Variants in CNPY1 observed in about 807,000 individuals in gnomAD.
CNPY1 encodes the protein canopy FGF signaling regulator 1, also known as protein canopy homolog 1.
CNPY1 carries 14 observed loss-of-function variants against 14.4 expected under a neutral mutation model. That is an observed-to-expected ratio of 0.97 (90% confidence interval 0.64 to 1.52). The LOEUF is 1.52. CNPY1 is among the 40% of genes most tolerant of loss of function. CNPY1 has a pLI of 0.00. For synonymous variants in CNPY1, 43 were observed against 46.5 expected, an observed-to-expected ratio of 0.92 and a Z score of 0.31; for missense variants, 129 against 131.5, an observed-to-expected ratio of 0.98 and a Z score of 0.09.
intron 2 of CNPY1, among the ~76,000 whole-genome samples, chr7:155,519,522 A>AAAATAAATAAAT (rs58372261): frequency 1.9e-4 from 27 of 141,102 alleles, no homozygotes; most frequent in African/African-American, 5.5e-4. Context: ...CCCTGTCTCA[A>AAAATAAATAAAT]AAATAAATAA....
intron 4 of CNPY1, among the ~76,000 whole-genome samples, chr7:155,504,687 C>T (rs934451367): frequency 4.2e-4 from 49 of 116,178 alleles, no homozygotes; most frequent in African/African-American, 1.6e-3. Context: ...TTCATACCCC[C>T]CAACACACAC....
chr7:155,507,163 G>C (rs967510923), intron 3 of CNPY1, 47 bp from the exon 4 acceptor site: 7 of 1,219,196 alleles, frequency 5.7e-6, no homozygotes, highest in Non-Finnish European at 8.4e-6. Context: ...CACACTGGCG[G>C]GGCACTTTGT....
intron 2 of CNPY1, among the ~76,000 whole-genome samples, chr7:155,519,512 C>T (rs971858115): frequency 6.7e-6 from 1 of 148,212 alleles, no homozygotes; most frequent in African/African-American, 2.5e-5. Flanking sequence ...TGGAGCAAGA[C>T]CCTGTCTCAA....
chr7:155,534,603 C>T (rs1238566421), intron 2 of CNPY1, among the ~76,000 whole-genome samples: 2 of 152,224 alleles, frequency 1.3e-5, no homozygotes, highest in East Asian at 1.9e-4. Flanking sequence ...CCACTCACAG[C>T]GTCGCGGGAT....
chr7:155,517,702 TCC>T (rs1796648047), intron 2 of CNPY1, among the ~76,000 whole-genome samples: 1 of 152,136 alleles, frequency 6.6e-6, no homozygotes, highest in Admixed American at 6.5e-5. Flanking sequence ...GGGCTCGGGG[TCC>T]GCCCAAACAC....
At chr7:155,505,946 C>T (rs541992197) in intron 4 of CNPY1, among the ~76,000 whole-genome samples, 20 of 152,224 alleles carry the variant, frequency 1.3e-4, no homozygotes, top group African/African-American at 4.8e-4. Flanking sequence ...ACCCAATTAT[C>T]TACTCAGAGT....
chr7:155,503,365 A>G (rs1412228585), intron 4 of CNPY1, among the ~76,000 whole-genome samples: 1 of 152,140 alleles, frequency 6.6e-6, no homozygotes, highest in Non-Finnish European at 1.5e-5. Flanking sequence ...TTTTGGCTTT[A>G]GGATTTAAAG....
At chr7:155,539,495 C>G (rs1472784126) in intron 2 of CNPY1, among the ~76,000 whole-genome samples, 1 of 152,160 alleles carries the variant, frequency 6.6e-6, no homozygotes, top group African/African-American at 2.4e-5. Flanking sequence ...GATAGAATAG[C>G]CAGCCCTCTC....
At position 155,524,214 on chromosome 7, in the gene CNPY1, C is replaced by T. The variant is rs1022345587; in HGVS notation, c.100-15117G>A. On this transcript the variant is annotated intron_variant, in intron 2 of 4. Transcript: ENST00000636446. Reference sequence around the variant, plus strand: ...AGTCCAATGGCCCCCGCTTCTGCCCCGAGGCTAGAGGTGGGGTGGTAAACT... The same window carrying T: ...AGTCCAATGGCCCCCGCTTCTGCCCTGAGGCTAGAGGTGGGGTGGTAAACT... Among the ~76,000 whole-genome samples the T allele has an allele frequency of 5.9e-5, 9 of 152,198 alleles. No homozygotes were observed. In the South Asian group the frequency reaches 8.3e-4, roughly 14 times the overall value.
intron 2 of CNPY1, among the ~76,000 whole-genome samples, chr7:155,521,535 T>G (rs1259736446): frequency 6.6e-6 from 1 of 152,196 alleles, no homozygotes; most frequent in African/African-American, 2.4e-5. Context: ...CCAGCACTTG[T>G]GGTCTGGGCC....
chr7:155,541,112 T>C (rs971277418), intron 2 of CNPY1, among the ~76,000 whole-genome samples: 3 of 152,014 alleles, frequency 2.0e-5, no homozygotes, highest in African/African-American at 7.2e-5. Flanking sequence ...GCAGGGGTGG[T>C]CTCCCACCTG....
intron 2 of CNPY1, among the ~76,000 whole-genome samples, chr7:155,523,189 A>G (rs183644350): frequency 6.6e-6 from 1 of 152,334 alleles, no homozygotes; most frequent in East Asian, 1.9e-4. Context: ...GGCTAGATGC[A>G]TTATGTATTT....
rs556628500 is a variant in CNPY1, at chr7:155,516,451, G to A, written c.100-7354C>T. ...CCCCAGTGTTTCAGGGCTGGCCAGC[G>A]AGGAGCGGGCTGGCACAGGATGACA... On this transcript the variant is annotated intron_variant, in intron 2 of 4. Transcript: ENST00000636446. Among the ~76,000 whole-genome samples, 23 of 152,318 alleles carry A rather than the reference G, an allele frequency of 1.5e-4. No homozygotes were observed. The South Asian group carries it at 4.1e-3, about 27-fold the overall frequency.
chr7:155,545,939 G>A lies in CNPY1; in HGVS notation c.-10C>T, dbSNP rs1585341105. 1 of 398,566 alleles carries A rather than the reference G, an allele frequency of 2.5e-6. No individual in the cohort carries two copies. Among genetic ancestry groups the A allele is most frequent in the East Asian group, 3.6e-5 (1 of 28,060 alleles). The allele number at this position is 398,566 out of a possible 1,614,324, so 24.7% of individuals were successfully genotyped here. Reference sequence around the variant, plus strand: ...GCTCTATCTCGTCCATCAGCGCCCTGCACGCTAAACAAGACACAAAACAGC... The same window carrying A: ...GCTCTATCTCGTCCATCAGCGCCCTACACGCTAAACAAGACACAAAACAGC... On this transcript the variant is annotated 5_prime_UTR_variant, in exon 2 of 5. Transcript: ENST00000636446.
At chr7:155,527,802 C>T (rs1796857072) in intron 2 of CNPY1, among the ~76,000 whole-genome samples, 2 of 152,170 alleles carry the variant, frequency 1.3e-5, no homozygotes. Context: ...AGTAATGAGA[C>T]ATGTGAGTAT....
chr7:155,517,744 C>T (rs1796649796), intron 2 of CNPY1, among the ~76,000 whole-genome samples: 1 of 152,230 alleles, frequency 6.6e-6, no homozygotes, highest in Non-Finnish European at 1.5e-5. Flanking sequence ...CACTTTTATC[C>T]ACTGGCCATG....
chr7:155,503,975 A>G (rs956735137), intron 4 of CNPY1, among the ~76,000 whole-genome samples: 1 of 152,196 alleles, frequency 6.6e-6, no homozygotes, highest in African/African-American at 2.4e-5. Context: ...GCACATTAAG[A>G]TTTTAATCAT....
At position 155,536,620 on chromosome 7, in the gene CNPY1, C is replaced by G. The variant is rs755411833; in HGVS notation, c.99+9211G>C. On this transcript the variant is annotated intron_variant, in intron 2 of 4. Coordinates refer to ENST00000636446, the MANE Select transcript of CNPY1 (RefSeq NM_001393663.1). The surrounding 1 kb of genome is among the most constrained non-coding windows in gnomAD (Gnocchi z 4.1). ...TGTTAGCCCTGCCTGTAAACATTTC[C>G]CACAGAATCCTCCATGCTCTCTCTC... is the stretch of plus-strand genomic sequence containing the variant. 3.5e-4 allele frequency among the ~76,000 whole-genome samples: 54 copies of G among 152,312 alleles called. No individual in the cohort carries two copies. The highest frequency in any genetic ancestry group is 7.2e-4 in the Admixed American group (11 of 15,298).
intron 2 of CNPY1, among the ~76,000 whole-genome samples, chr7:155,540,113 G>A (rs1034274849): frequency 3.3e-5 from 5 of 152,118 alleles, no homozygotes; most frequent in African/African-American, 7.2e-5. Context: ...CAGATTCCTC[G>A]GGAAGAGATC....
Sources: gnomAD v4.1 joint callset for allele counts (sites outside exome capture counted in the v4.1 genomes callset) on GRCh38, gnomAD v4.1.1 for gene constraint, Gnocchi (gnomAD v3.1) non-coding constraint, MANE v1.5 for transcripts, NCBI Gene and HGNC (gene_info 2026-07-23, HGNC 2026-07-21) for gene names.